The following SORL1 variants were observed in gnomAD, a reference collection of about 807,000 sequenced individuals.
SORL1 encodes the protein sortilin-related receptor.
In SORL1, 127 loss-of-function variants were observed where a neutral mutation model predicts 273.7. That is an observed-to-expected ratio of 0.46 (90% CI 0.40 to 0.54). SORL1 has a LOEUF of 0.54. SORL1 is among the 20% of genes least tolerant of loss of function. The pLI is 0.00. For missense variants in SORL1, 2,494 were observed against 2,846.1 expected (o/e 0.88, Z 2.81); for synonymous variants, 1,031 against 1,067.4 (o/e 0.97, Z 0.66).
Position 121,563,791 on chromosome 11 carries a change from C to T in SORL1, c.3050-3149C>T, listed in dbSNP as rs1171937065. ...TACTTTACAAGATTGTTGATGTATT[C>T]AGTTGCTCCTGCGATGGCTCTTGGA... On this transcript the variant is annotated intron_variant, in intron 21 of 47. Transcript: ENST00000260197. This position sits in a 1 kb window ranked among gnomAD's most constrained non-coding sequence, Gnocchi z 4.2. Among the ~76,000 whole-genome samples, 2 of 152,188 alleles carry T rather than the reference C, an allele frequency of 1.3e-5. No homozygotes were observed. The highest frequency in any genetic ancestry group is 4.8e-5 in the African/African-American group (2 of 41,442).
chr11:121,567,139 G>A (rs1277672989), intron 22 of SORL1, 26 bp downstream of exon 22: 8 of 1,589,702 alleles, frequency 5.0e-6, no homozygotes, highest in Non-Finnish European at 6.9e-6. Flanking sequence ...TTTTTTGCCT[G>A]TCATCCTCCT....
In SORL1 at chr11:121,458,297, T is replaced by C. The variant is rs186907548; in HGVS notation, c.285+5681T>C. Reference sequence around the variant, plus strand: ...GTATTCAGGGAAAGGCAGTTTGGAGTTTAGAATTTGCGACAATAATTCAGA... The same window carrying C: ...GTATTCAGGGAAAGGCAGTTTGGAGCTTAGAATTTGCGACAATAATTCAGA... On this transcript the variant is annotated intron_variant, in intron 1 of 47. Coordinates refer to ENST00000260197, the MANE Select transcript of SORL1 (RefSeq NM_003105.6). Among the ~76,000 whole-genome samples, 206 of 152,254 alleles carry C rather than the reference T, an allele frequency of 1.4e-3. 1 individual carries two copies. The highest frequency in any genetic ancestry group is 4.6e-3 in the African/African-American group (191 of 41,540).
At chr11:121,499,775 G>C (rs1861685393) in intron 6 of SORL1, among the ~76,000 whole-genome samples, 1 of 152,228 alleles carries the variant, frequency 6.6e-6, no homozygotes, top group Non-Finnish European at 1.5e-5. Context: ...AAGGCTGCCT[G>C]AGCTTGGGAA....
chr11:121,613,139 A>G (rs899112873), intron 40 of SORL1, among the ~76,000 whole-genome samples: 3 of 152,246 alleles, frequency 2.0e-5, no homozygotes, highest in African/African-American at 7.2e-5. Flanking sequence ...TTGATTTCCA[A>G]AAGAAAGAGT....
Position 121,627,175 on chromosome 11 carries a change from T to C in SORL1, c.6365-380T>C, listed in dbSNP as rs10892761. The C allele has an allele frequency of 0.35, 70,968 of 200,818 alleles. 15,100 individuals carry two copies. The highest frequency in any genetic ancestry group is 0.57 in the East Asian group (4,494 of 7,856). The allele number at this position is 200,818 out of a possible 1,614,324, so 12.4% of individuals were successfully genotyped here. ...GTAGGGGGAAATAATTGCAATCTCG[T>C]TAATTAGTGGTCTGATTTCACATCC... On this transcript the variant is annotated intron_variant, in intron 46 of 47. Transcript: ENST00000260197. The surrounding 1 kb of genome is among the most constrained non-coding windows in gnomAD (Gnocchi z 4.9).
intron 11 of SORL1, among the ~76,000 whole-genome samples, chr11:121,525,088 A>AGGTATCTTTGTGCCCCTC (rs1450918834): frequency 2.0e-5 from 3 of 152,216 alleles, no homozygotes; most frequent in African/African-American, 7.2e-5. Flanking sequence ...ACCCTCCCCG[A>AGGTATCTTTGTGCCCCTC]GGTATCTTTG....
chr11:121,470,129 T>C lies in SORL1; in HGVS notation c.402+6T>C. 6.3e-7 allele frequency: 1 copy of C among 1,598,250 alleles called. No individual in the cohort carries two copies. Among genetic ancestry groups the C allele is most frequent in the Non-Finnish European group, 8.6e-7 (1 of 1,165,570 alleles). The stretch of plus-strand genomic sequence containing the variant: ...CGAGGCCCAAGAGCAGTGATGTAAG[T>C]GTTGTGTTGGCTCTGGGCACACCTT... On this transcript the variant is annotated splice_donor_region_variant and intron_variant, in intron 2 of 47. Transcript: ENST00000260197.
chr11:121,615,182 G>A (rs952808219), intron 41 of SORL1, 127 bp downstream of exon 41: 23 of 706,716 alleles, frequency 3.3e-5, no homozygotes, highest in Admixed American at 7.2e-5. Context: ...CTTGGATATA[G>A]GCCTTTCTTT....
rs1309278472 is a variant in SORL1 at position 121,452,314 on chromosome 11, A to G, written c.-18A>G. ...CTCTCCTGGCGGCGGCGCCACCTGC[A>G]GTAGCGTTCGCCCGAACATGGCGAC... On this transcript the variant is annotated 5_prime_UTR_variant, in exon 1 of 48. Transcript: ENST00000260197. The surrounding 1 kb of genome is among the most constrained non-coding windows in gnomAD (Gnocchi z 5.3). The G allele has an allele frequency of 6.6e-7, 1 of 1,514,698 alleles. No homozygotes were observed. Among genetic ancestry groups the G allele is most frequent in the Non-Finnish European group, 8.8e-7 (1 of 1,134,558 alleles). 93.8% of individuals were successfully genotyped at this position (1,514,698 alleles called of 1,614,324 possible).
intron 11 of SORL1, among the ~76,000 whole-genome samples, chr11:121,525,080 C>T (rs1277573522): frequency 6.6e-6 from 1 of 152,302 alleles, no homozygotes; most frequent in African/African-American, 2.4e-5. Flanking sequence ...TTTCCATCAC[C>T]CTCCCCGAGG....
chr11:121,527,273 A>G (rs762007888), intron 11 of SORL1, among the ~76,000 whole-genome samples: 4 of 151,058 alleles, frequency 2.6e-5, no homozygotes, highest in Non-Finnish European at 5.9e-5. Context: ...ATTTTTTTCT[A>G]TTACTATGAT....
At position 121,559,654 on chromosome 11, in the gene SORL1, A is replaced by G. The variant is rs766503800; in HGVS notation, c.3046A>G (p.Thr1016Ala). Residue 1016 changes from threonine to alanine, a missense_variant, in exon 21 of 48, where the codon ACT becomes GCT. By Grantham distance (58) the Thr-to-Ala change is moderately conservative. Transcript: ENST00000260197. ...GAAGATTTTCTACAAGGGGAAGAACACTGGTAAGCCAGAGTCTCTTCTTTT... is the reference window on the plus strand; with the variant it reads ...GAAGATTTTCTACAAGGGGAAGAACGCTGGTAAGCCAGAGTCTCTTCTTTT... ...DMKIFYKGKN[T>A]GSNACVPRPC... 1 of 1,613,980 alleles carries G rather than the reference A, an allele frequency of 6.2e-7. No homozygotes were observed. Among genetic ancestry groups the G allele is most frequent in the South Asian group, 1.1e-5 (1 of 91,064 alleles).
At chr11:121,592,923 T>C (rs1863237547) in intron 31 of SORL1, among the ~76,000 whole-genome samples, 1 of 152,282 alleles carries the variant, frequency 6.6e-6, no homozygotes, top group Admixed American at 6.5e-5. Flanking sequence ...TCTCTGTTTA[T>C]ATATCCTGTT....
chr11:121,517,473 A>G (rs777095327), intron 8 of SORL1, among the ~76,000 whole-genome samples: 5 of 152,218 alleles, frequency 3.3e-5, no homozygotes, highest in African/African-American at 4.8e-5. Flanking sequence ...TAAAATAATG[A>G]ATCACTATCC....
chr11:121,466,448 G>A (rs1178930211), intron 1 of SORL1, among the ~76,000 whole-genome samples: 1 of 152,136 alleles, frequency 6.6e-6, no homozygotes, highest in Admixed American at 6.5e-5. Flanking sequence ...AGGGACCTGT[G>A]GGTTGTTCTT....
intron 41 of SORL1, 128 bp downstream of exon 41, chr11:121,615,183 G>A (rs1005522706): frequency 5.7e-6 from 4 of 703,436 alleles, no homozygotes; most frequent in African/African-American, 3.7e-5. Context: ...TTGGATATAG[G>A]CCTTTCTTTT....
chr11:121,557,509 G>A, intron 19 of SORL1, 104 bp downstream of exon 19: 2 of 902,864 alleles, frequency 2.2e-6, no homozygotes, highest in Non-Finnish European at 3.6e-6. Flanking sequence ...TCTCATGATG[G>A]TGGTTGAAAT....
At chr11:121,477,278 C>T (rs1861286062) in intron 2 of SORL1, among the ~76,000 whole-genome samples, 1 of 152,240 alleles carries the variant, frequency 6.6e-6, no homozygotes, top group Non-Finnish European at 1.5e-5. Context: ...TCATTTCCAT[C>T]TTGGGCTACG....
intron 19 of SORL1, among the ~76,000 whole-genome samples, 190 bp from the exon 20 acceptor site, chr11:121,558,400 AT>A (rs1862623160): frequency 1.3e-5 from 2 of 152,212 alleles, no homozygotes; most frequent in African/African-American, 4.8e-5. Flanking sequence ...CTATAGATAA[AT>A]TCTAGTAAAG....
Sources: gnomAD v4.1 joint callset for allele counts (sites outside exome capture counted in the v4.1 genomes callset) on GRCh38, gnomAD v4.1.1 for gene constraint, Gnocchi (gnomAD v3.1) non-coding constraint, MANE v1.5 for transcripts, NCBI Gene and HGNC (gene_info 2026-07-23, HGNC 2026-07-21) for gene names.